Variants in TOX observed in about 807,000 individuals in gnomAD.
The protein encoded by TOX is thymocyte selection-associated high mobility group box protein TOX.
In TOX, 11 loss-of-function variants were observed where a neutral mutation model predicts 53.7. The ratio of observed to expected loss-of-function variants is 0.20; its 90% confidence interval spans 0.13 to 0.34. The LOEUF (loss-of-function observed/expected upper bound fraction) is 0.34. Among genes scored for constraint, TOX ranks in the 10% least tolerant of loss-of-function variants. TOX has a pLI of 1.00. For missense variants in TOX, 570 were observed against 664.6 expected, an observed-to-expected ratio of 0.86 and a Z score of 1.56; for synonymous variants, 225 against 245.3, an observed-to-expected ratio of 0.92 and a Z score of 0.77.
At chr8:59,073,177 A>G (rs891824627) in intron 1 of TOX, among the ~76,000 whole-genome samples, 2 of 152,196 alleles carry the variant, frequency 1.3e-5, no homozygotes, top group Non-Finnish European at 2.9e-5. Flanking sequence ...AAAGGCTTCA[A>G]CTACTAACAC....
At chr8:58,865,100 T>C (rs1563373718) in intron 3 of TOX, among the ~76,000 whole-genome samples, 1 of 152,082 alleles carries the variant, frequency 6.6e-6, no homozygotes, top group East Asian at 1.9e-4. Context: ...AGGAAGGTGG[T>C]GGATGGGTGA....
At chr8:58,993,132 G>T (rs1197477555) in intron 1 of TOX, among the ~76,000 whole-genome samples, 2 of 152,166 alleles carry the variant, frequency 1.3e-5, no homozygotes, top group African/African-American at 4.8e-5. Context: ...GAACTGGGAA[G>T]AGTAACCGTC....
intron 1 of TOX, among the ~76,000 whole-genome samples, chr8:59,078,372 A>T (rs1804331771): frequency 6.6e-6 from 1 of 152,186 alleles, no homozygotes; most frequent in South Asian, 2.1e-4. Context: ...TTTGGGTCAT[A>T]GGTGCAGATC....
chr8:58,977,116 G>A (rs918395049), intron 1 of TOX, among the ~76,000 whole-genome samples: 3 of 152,186 alleles, frequency 2.0e-5, no homozygotes, highest in Non-Finnish European at 4.4e-5. Flanking sequence ...AGGTAGTTTT[G>A]TCTATACTGA....
At chr8:59,026,411 T>A (rs373311480) in intron 1 of TOX, among the ~76,000 whole-genome samples, 56 of 152,292 alleles carry the variant, frequency 3.7e-4, no homozygotes, top group African/African-American at 1.3e-3. Flanking sequence ...CTCATTTTTT[T>A]AAAACAACTA....
rs541326304 is a variant in TOX, at chr8:59,043,547, T to C, written c.102+75339A>G. On this transcript the variant is annotated intron_variant, in intron 1 of 8. Coordinates refer to ENST00000361421, the MANE Select transcript of TOX (RefSeq NM_014729.3). ...TAATGTTCATGCATATCATGTCTCA[T>C]AGATCCTTTCTCTATAGACGGTTAT... 2.6e-5 allele frequency among the ~76,000 whole-genome samples: 4 copies of C among 152,308 alleles called. No individual in the cohort carries two copies. In the South Asian group the frequency reaches 8.3e-4, roughly 32 times the overall value.
intron 3 of TOX, among the ~76,000 whole-genome samples, chr8:58,924,943 T>A (rs928752254): frequency 6.6e-6 from 1 of 152,200 alleles, no homozygotes; most frequent in Non-Finnish European, 1.5e-5. Context: ...TAGAGAACAA[T>A]GCGAGAGAAT....
chr8:59,082,038 G>T (rs1019463598), intron 1 of TOX, among the ~76,000 whole-genome samples: 2 of 152,154 alleles, frequency 1.3e-5, no homozygotes, highest in African/African-American at 2.4e-5. Context: ...TTCTATCTGA[G>T]AACAGCTTTT....
chr8:59,011,843 G>A (rs907946307), intron 1 of TOX, among the ~76,000 whole-genome samples: 6 of 152,066 alleles, frequency 3.9e-5, no homozygotes, highest in Admixed American at 2.0e-4. Context: ...TGTCTCTCCT[G>A]CCTGCTTTTT....
At chr8:58,823,134 G>A (rs562806830) in intron 6 of TOX, among the ~76,000 whole-genome samples, 103 of 152,346 alleles carry the variant, frequency 6.8e-4, no homozygotes, top group African/African-American at 2.3e-3. Flanking sequence ...CTAGGATTAA[G>A]CGTTTTATTT....
At chr8:58,809,478 T>TAA (rs1810041741) in intron 7 of TOX, among the ~76,000 whole-genome samples, 1 of 152,224 alleles carries the variant, frequency 6.6e-6, no homozygotes, top group Non-Finnish European at 1.5e-5. Flanking sequence ...GTTTATTTCC[T>TAA]ATTCAAATGA....
chr8:59,102,045 T>A (rs1804816117), intron 1 of TOX, among the ~76,000 whole-genome samples: 1 of 152,206 alleles, frequency 6.6e-6, no homozygotes, highest in Admixed American at 6.5e-5. Flanking sequence ...GTTTTCATGC[T>A]GCTGATAAAG....
At chr8:59,026,472 C>T (rs1349889939) in intron 1 of TOX, among the ~76,000 whole-genome samples, 1 of 152,152 alleles carries the variant, frequency 6.6e-6, no homozygotes, top group South Asian at 2.1e-4. Context: ...CTGGACTACA[C>T]GTGCATGTAC....
At chr8:58,821,617 G>A (rs1810277544) in intron 6 of TOX, among the ~76,000 whole-genome samples, 1 of 151,816 alleles carries the variant, frequency 6.6e-6, no homozygotes, top group South Asian at 2.1e-4. Context: ...CCCTCTCCCA[G>A]CCCTGGCAAC....
At chr8:58,838,906 T>C (rs975378244) in intron 4 of TOX, among the ~76,000 whole-genome samples, 2 of 152,094 alleles carry the variant, frequency 1.3e-5, no homozygotes, top group African/African-American at 4.8e-5. Flanking sequence ...TTCACCATGT[T>C]GGCCAGGATG....
intron 3 of TOX, among the ~76,000 whole-genome samples, chr8:58,873,176 T>A (rs1015512871): frequency 6.6e-6 from 1 of 152,154 alleles, no homozygotes; most frequent in Admixed American, 6.6e-5. Flanking sequence ...ATAAACTGAT[T>A]AAACCTGCAT....
intron 1 of TOX, among the ~76,000 whole-genome samples, chr8:59,088,936 A>G (rs961154039): frequency 6.6e-6 from 1 of 152,202 alleles, no homozygotes; most frequent in African/African-American, 2.4e-5. Flanking sequence ...TGATCTTCAT[A>G]TTATTAATGA....
At chr8:58,928,979 G>C (rs1812212496) in intron 3 of TOX, among the ~76,000 whole-genome samples, 2 of 152,042 alleles carry the variant, frequency 1.3e-5, no homozygotes, top group Admixed American at 6.6e-5. Context: ...CATGATTAAA[G>C]AAAACAAAAC....
intron 1 of TOX, among the ~76,000 whole-genome samples, chr8:59,008,103 A>G (rs1055649449): frequency 3.9e-5 from 6 of 152,190 alleles, no homozygotes; most frequent in African/African-American, 1.4e-4. Flanking sequence ...TCTTCCACTC[A>G]TCAGTTTCTT....
Sources: gnomAD v4.1 joint callset for allele counts (sites outside exome capture counted in the v4.1 genomes callset) on GRCh38, gnomAD v4.1.1 for gene constraint, MANE v1.5 for transcripts, NCBI Gene and HGNC (gene_info 2026-07-23, HGNC 2026-07-21) for gene names.